Variants in ZMAT4 observed in about 807,000 individuals in gnomAD.
ZMAT4 encodes the protein zinc finger matrin-type protein 4.
In ZMAT4, 17 loss-of-function variants were observed where a neutral mutation model predicts 28.7. That is an observed-to-expected ratio of 0.59 (90% CI 0.41 to 0.89). The LOEUF is 0.89. Ranked by LOEUF, ZMAT4 falls within the 40% of genes least tolerant of loss-of-function variation. The probability of loss-of-function intolerance (pLI) is 0.00; values close to 1 mark genes in which losing one functional copy is unlikely to be tolerated. For synonymous variants in ZMAT4, 117 were observed against 109.2 expected (o/e 1.07, Z -0.44); for missense variants, 240 against 283.8 (o/e 0.85, Z 1.11).
chr8:40,597,193 G>C (rs1805134644), intron 5 of ZMAT4, among the ~76,000 whole-genome samples: 1 of 152,198 alleles, frequency 6.6e-6, no homozygotes, highest in African/African-American at 2.4e-5. Flanking sequence ...CTATGAATAA[G>C]GAGAATTTAG....
intron 2 of ZMAT4, among the ~76,000 whole-genome samples, chr8:40,805,476 A>G (rs1396096750): frequency 1.0e-4 from 15 of 148,348 alleles, no homozygotes; most frequent in African/African-American, 3.8e-4. Context: ...GCTGCTATAA[A>G]GACACATGCA....
At chr8:40,830,461 T>G (rs1816239467) in intron 1 of ZMAT4, among the ~76,000 whole-genome samples, 1 of 152,214 alleles carries the variant, frequency 6.6e-6, no homozygotes, top group Non-Finnish European at 1.5e-5. Flanking sequence ...GTTAGTTCAC[T>G]TAAAATGGTG....
At chr8:40,896,944 G>A (rs988141292) in intron 1 of ZMAT4, among the ~76,000 whole-genome samples, 5 of 151,136 alleles carry the variant, frequency 3.3e-5, no homozygotes, top group African/African-American at 4.9e-5. Flanking sequence ...GTACCAAACC[G>A]AACTCTCTAT....
At chr8:40,833,858 G>A (rs570308571) in intron 1 of ZMAT4, among the ~76,000 whole-genome samples, 37 of 152,214 alleles carry the variant, frequency 2.4e-4, no homozygotes, top group African/African-American at 8.9e-4. Context: ...TCCTGATGTT[G>A]CTCAGATAAA....
chr8:40,862,817 G>A (rs1817551899), intron 1 of ZMAT4, among the ~76,000 whole-genome samples: 1 of 151,560 alleles, frequency 6.6e-6, no homozygotes, highest in South Asian at 2.1e-4. Context: ...ACTGGGGCCT[G>A]TCATGCGGTG....
chr8:40,705,830 TCTTTC>T (rs1452461950), intron 3 of ZMAT4, among the ~76,000 whole-genome samples: 1 of 152,192 alleles, frequency 6.6e-6, no homozygotes, highest in African/African-American at 2.4e-5. Flanking sequence ...ACTTATTTCT[TCTTTC>T]CTTTCAGGAA....
intron 1 of ZMAT4, among the ~76,000 whole-genome samples, chr8:40,855,086 G>T (rs764020801): frequency 6.6e-6 from 1 of 152,122 alleles, no homozygotes; most frequent in Non-Finnish European, 1.5e-5. Flanking sequence ...GAACACAGTG[G>T]CATTCACGGG....
intron 2 of ZMAT4, among the ~76,000 whole-genome samples, chr8:40,777,110 G>A (rs947853192): frequency 2.0e-5 from 3 of 152,058 alleles, no homozygotes; most frequent in Non-Finnish European, 4.4e-5. Flanking sequence ...GAACAACAGT[G>A]TACAACTTTC....
intron 1 of ZMAT4, among the ~76,000 whole-genome samples, chr8:40,885,273 A>C (rs187636294): frequency 1.0e-3 from 157 of 152,204 alleles, no homozygotes; most frequent in African/African-American, 3.5e-3. Flanking sequence ...CCTTGGAATC[A>C]TCCTCGAACC....
intron 5 of ZMAT4, among the ~76,000 whole-genome samples, chr8:40,647,554 CG>C (rs1215082786): frequency 6.6e-6 from 1 of 152,158 alleles, no homozygotes; most frequent in African/African-American, 2.4e-5. Flanking sequence ...CTGGGAAGCT[CG>C]AACTGGGTGG....
chr8:40,725,071 C>A (rs970122938), intron 3 of ZMAT4, among the ~76,000 whole-genome samples: 1 of 152,154 alleles, frequency 6.6e-6, no homozygotes, highest in East Asian at 1.9e-4. Context: ...TGCTATGGAA[C>A]GCCTGCCTAC....
At chr8:40,756,426 T>TTATATGTATATATATATATA (rs1554551496) in intron 3 of ZMAT4, among the ~76,000 whole-genome samples, 1 of 73,276 alleles carries the variant, frequency 1.4e-5, no homozygotes, top group African/African-American at 6.1e-5. Context: ...AAATGTTCTT[T>TTATATGTATATATATATATA]TATATATATA....
intron 2 of ZMAT4, among the ~76,000 whole-genome samples, chr8:40,788,003 A>G (rs1402041281): frequency 6.6e-6 from 1 of 152,214 alleles, no homozygotes; most frequent in Non-Finnish European, 1.5e-5. Flanking sequence ...TATAAGTATT[A>G]TAGTGGAAAT....
At chr8:40,681,771 A>G (rs1219841982) in intron 4 of ZMAT4, among the ~76,000 whole-genome samples, 1 of 152,184 alleles carries the variant, frequency 6.6e-6, no homozygotes, top group East Asian at 1.9e-4. Flanking sequence ...TAAATATTTG[A>G]TAGTTTCATT....
In ZMAT4 at chr8:40,726,921, G is replaced by A. The variant is rs151022318; in HGVS notation, c.193-29520C>T. 2.6e-3 allele frequency among the ~76,000 whole-genome samples: 401 copies of A among 152,268 alleles called. 1 individual carries two copies. The highest frequency in any genetic ancestry group is 8.9e-3 in the African/African-American group (369 of 41,542). ...TAAGGTAAAGGTCTCACATCCTCTA[G>A]TTCATAAGCCTGGATTTCATACTGG... On this transcript the variant is annotated intron_variant, in intron 3 of 6. Transcript: ENST00000297737.
intron 2 of ZMAT4, chr8:40,786,805 G>T (rs1814106764): frequency 1.7e-6 from 2 of 1,192,524 alleles, no homozygotes; most frequent in East Asian, 5.7e-5. Context: ...GGAACAAACA[G>T]ACTGTGCTTA....
chr8:40,710,841 C>T (rs1222318239), intron 3 of ZMAT4, among the ~76,000 whole-genome samples: 1 of 151,666 alleles, frequency 6.6e-6, no homozygotes, highest in Non-Finnish European at 1.5e-5. Context: ...AGTGCAGTGG[C>T]GCGATCTCGG....
chr8:40,762,349 C>T (rs1812977708), intron 3 of ZMAT4, among the ~76,000 whole-genome samples: 2 of 152,120 alleles, frequency 1.3e-5, no homozygotes, highest in Non-Finnish European at 2.9e-5. Context: ...AGAGAGAACA[C>T]ACAGAGATAC....
rs397830836 is a variant in ZMAT4, at chr8:40,691,418, A to AG, written c.349+5826_349+5827insC. ...TAAATAGACTGCAAAAAAAAAAAAAAAGAGAGAGAGACTTGTTTACAGAAT... is the reference window on the plus strand; with the variant it reads ...TAAATAGACTGCAAAAAAAAAAAAAAGAGAGAGAGAGACTTGTTTACAGAAT... On this transcript the variant is annotated intron_variant, in intron 4 of 6. Coordinates refer to ENST00000297737, the MANE Select transcript of ZMAT4 (RefSeq NM_024645.3). Among the ~76,000 whole-genome samples the AG allele has an allele frequency of 5.7e-4, 73 of 128,632 alleles. 2 individuals are homozygous for AG. The East Asian group carries it at 0.012, about 21-fold the overall frequency. The allele number at this position is 128,632 out of a possible 152,430, so 84.4% of individuals were successfully genotyped here.
Sources: allele counts gnomAD v4.1 joint callset (sites outside exome capture counted in the v4.1 genomes callset), GRCh38; gene constraint gnomAD v4.1.1; transcripts MANE v1.5; gene names NCBI Gene and HGNC (gene_info 2026-07-23, HGNC 2026-07-21).